The following DHX35 variants were observed in gnomAD, a reference collection of about 807,000 sequenced individuals.
The protein encoded by DHX35 is DEAH-box helicase 35, also known as probable ATP-dependent RNA helicase DHX35.
A neutral mutation model predicts 99.6 loss-of-function variants in DHX35; 84 were observed. That is an observed-to-expected ratio of 0.84 (90% CI 0.71 to 1.01). The LOEUF (loss-of-function observed/expected upper bound fraction) is 1.01. Ranked by LOEUF, DHX35 falls within the 50% of genes least tolerant of loss-of-function variation. DHX35 has a pLI of 0.00. For missense variants in DHX35, 852 were observed against 888.5 expected (o/e 0.96, Z 0.52); for synonymous variants, 331 against 316.2 (o/e 1.05, Z -0.50).
At chr20:39,004,573 G>A (rs953305188) in intron 11 of DHX35, among the ~76,000 whole-genome samples, 2 of 152,206 alleles carry the variant, frequency 1.3e-5, no homozygotes, top group African/African-American at 4.8e-5. Flanking sequence ...TTTGTTTTAA[G>A]TATCAGCTTG....
chr20:38,990,771 G>A (rs936196538), intron 5 of DHX35, among the ~76,000 whole-genome samples: 1 of 152,044 alleles, frequency 6.6e-6, no homozygotes, highest in Non-Finnish European at 1.5e-5. Context: ...TGTGGGTTGG[G>A]GGGGTTTCTA....
Position 39,006,307 on chromosome 20 carries a change from A to G in DHX35, c.1173A>G (p.Ala391=). 1 of 1,614,178 alleles carries G rather than the reference A, an allele frequency of 6.2e-7. No homozygotes were observed. Among genetic ancestry groups the G allele is most frequent in the Non-Finnish European group, 8.5e-7 (1 of 1,180,028 alleles). Residue 391 remains alanine, a synonymous_variant, in exon 12 of 22, where the codon GCA becomes GCG. Coordinates refer to ENST00000252011, the MANE Select transcript of DHX35 (RefSeq NM_021931.4). Reference sequence around the variant, plus strand: ...CCCAGGCATCAGCTAATCAGCGAGCAGGACGTGGTGGTCGTAGTCGCTCGG... The same window carrying G: ...CCCAGGCATCAGCTAATCAGCGAGCGGGACGTGGTGGTCGTAGTCGCTCGG... The part of the protein sequence containing the change: ...PVSQASANQR[A]GRGGRSRSGK...
chr20:39,022,749 A>G (rs1272850336), intron 16 of DHX35, among the ~76,000 whole-genome samples: 2 of 152,344 alleles, frequency 1.3e-5, no homozygotes, highest in South Asian at 2.1e-4. Context: ...GAGAGATCCA[A>G]TCCCCACCTA....
chr20:39,026,364 C>T (rs2145938624), intron 18 of DHX35, among the ~76,000 whole-genome samples: 1 of 152,322 alleles, frequency 6.6e-6, no homozygotes, highest in Middle Eastern at 3.4e-3. Context: ...CCATTTAAGT[C>T]TTCTTTTGTC....
intron 3 of DHX35, among the ~76,000 whole-genome samples, chr20:38,973,560 A>G (rs968317695): frequency 3.1e-4 from 47 of 152,334 alleles, no homozygotes; most frequent in African/African-American, 1.1e-3. Flanking sequence ...AGTTTTGCGT[A>G]TATTTGGAAT....
chr20:38,985,974 T>A (rs2145864100), intron 4 of DHX35, among the ~76,000 whole-genome samples: 1 of 152,328 alleles, frequency 6.6e-6, no homozygotes, highest in East Asian at 1.9e-4. Flanking sequence ...TGAGTATGCT[T>A]GTTGAACTCA....
chr20:39,013,130 GAAAAA>G (rs371639509), intron 13 of DHX35, among the ~76,000 whole-genome samples: 1 of 147,438 alleles, frequency 6.8e-6, no homozygotes, highest in Non-Finnish European at 1.5e-5. Flanking sequence ...GTTGAAAAAT[GAAAAA>G]AAAAATACAA....
chr20:38,969,373 G>T (rs1264573739), intron 2 of DHX35, among the ~76,000 whole-genome samples, 159 bp downstream of exon 2: 1 of 152,190 alleles, frequency 6.6e-6, no homozygotes, highest in Non-Finnish European at 1.5e-5. Flanking sequence ...GTATTTTTTA[G>T]TTAACCTTAT....
intron 17 of DHX35, 72 bp from the exon 18 acceptor site, chr20:39,025,158 T>G: frequency 9.4e-6 from 14 of 1,493,856 alleles, no homozygotes; most frequent in Non-Finnish European, 1.3e-5. Context: ...GAGAGAAGAA[T>G]GATCTTTACA....
In DHX35 at chr20:39,030,760, A is replaced by G. The variant is rs926314994; in HGVS notation, c.1940A>G (p.Glu647Gly). Reference protein sequence around the residue: ...HIHPASVLYAEKPPRWVIYNE... With the variant: ...HIHPASVLYAGKPPRWVIYNE... ...CACCCTGCGTCAGTCCTCTATGCAG[A>G]GAAGCCGCCTCGCTGGTAAGCTCAT... Residue 647 changes from glutamate (E) to glycine (G), a missense_variant, in exon 20 of 22, where the codon GAG (glutamate) becomes GGG (glycine). Glu to Gly is a moderately conservative substitution (Grantham distance 98). Coordinates refer to ENST00000252011, the MANE Select transcript of DHX35 (RefSeq NM_021931.4). 7.4e-6 allele frequency: 12 copies of G among 1,614,160 alleles called. No homozygotes were observed. In the East Asian group the frequency reaches 2.5e-4, roughly 33 times the overall value.
intron 8 of DHX35, among the ~76,000 whole-genome samples, chr20:38,999,629 G>C (rs890423878): frequency 6.6e-6 from 1 of 152,212 alleles, no homozygotes; most frequent in African/African-American, 2.4e-5. Context: ...GTGCACGTGT[G>C]TGCACGTTCA....
intron 12 of DHX35, 51 bp from the exon 13 acceptor site, chr20:39,010,229 G>A (rs774219349): frequency 4.3e-6 from 7 of 1,613,346 alleles, no homozygotes; most frequent in East Asian, 2.2e-5. Context: ...CATAGTGATT[G>A]CATTTGATTG....
At chr20:38,989,297 G>A (rs113114643) in intron 5 of DHX35, among the ~76,000 whole-genome samples, 24 of 110,892 alleles carry the variant, frequency 2.2e-4, no homozygotes, top group African/African-American at 8.6e-4. Context: ...TGTATTTTTA[G>A]TAGAGACGGG....
chr20:38,980,511 G>GTTTTTTTT (rs397953645), intron 3 of DHX35, among the ~76,000 whole-genome samples: 1 of 136,994 alleles, frequency 7.3e-6, no homozygotes, highest in Non-Finnish European at 1.6e-5. Flanking sequence ...TTATAGTTCT[G>GTTTTTTTT]TTTTTTTTTT....
intron 2 of DHX35, among the ~76,000 whole-genome samples, 184 bp from the exon 3 acceptor site, chr20:38,972,375 C>T (rs369948745): frequency 2.0e-4 from 31 of 152,262 alleles, no homozygotes; most frequent in African/African-American, 7.2e-4. Context: ...AGTGTTAACA[C>T]GATTGCAGTT....
At chr20:38,977,965 T>C (rs2086108352) in intron 3 of DHX35, 5 of 645,680 alleles carry the variant, frequency 7.7e-6, no homozygotes, top group Non-Finnish European at 1.4e-5. Flanking sequence ...TACTTTTTTC[T>C]CTGGAACGTT....
chr20:38,985,783 T>TGA (rs2086240420), intron 4 of DHX35, among the ~76,000 whole-genome samples: 1 of 152,234 alleles, frequency 6.6e-6, no homozygotes, highest in Admixed American at 6.5e-5. Context: ...ATAACTTCCA[T>TGA]GAAACCACAG....
chr20:38,990,774 G>T (rs914997294), intron 5 of DHX35, among the ~76,000 whole-genome samples: 9 of 151,956 alleles, frequency 5.9e-5, no homozygotes, highest in Non-Finnish European at 1.0e-4. Context: ...GGGTTGGGGG[G>T]GTTTCTAGAA....
At chr20:38,964,680 C>T (rs370186196) in intron 1 of DHX35, among the ~76,000 whole-genome samples, 1 of 152,166 alleles carries the variant, frequency 6.6e-6, no homozygotes, top group African/African-American at 2.4e-5. Flanking sequence ...CTGCCCACCT[C>T]GGCCTCCCAA....
Sources: gnomAD v4.1 joint callset for allele counts (sites outside exome capture counted in the v4.1 genomes callset) on GRCh38, gnomAD v4.1.1 for gene constraint, MANE v1.5 for transcripts, NCBI Gene and HGNC (gene_info 2026-07-23, HGNC 2026-07-21) for gene names.